The following CACNA2D1 variants were observed in gnomAD, a reference collection of about 807,000 sequenced individuals.
The protein encoded by CACNA2D1 is voltage-dependent calcium channel subunit alpha-2/delta-1.
CACNA2D1 carries 53 observed loss-of-function variants against 171.5 expected under a neutral mutation model. The ratio of observed to expected loss-of-function variants is 0.31; its 90% CI spans 0.25 to 0.39. CACNA2D1 has a LOEUF of 0.39. CACNA2D1 is among the 10% of genes least tolerant of loss of function. The pLI is 1.00. For synonymous variants in CACNA2D1, 442 were observed against 443.1 expected (o/e 1.00, Z 0.03); for missense variants, 903 against 1,299.8 (o/e 0.69, Z 4.69).
At chr7:82,336,269 C>T (rs969609855) in intron 2 of CACNA2D1, among the ~76,000 whole-genome samples, 1 of 152,170 alleles carries the variant, frequency 6.6e-6, no homozygotes, top group Non-Finnish European at 1.5e-5. Context: ...ATGATCCCAG[C>T]TGCGCACTGA....
intron 1 of CACNA2D1, among the ~76,000 whole-genome samples, chr7:82,378,089 T>C (rs1823225705): frequency 6.6e-6 from 1 of 152,128 alleles, no homozygotes; most frequent in Admixed American, 6.6e-5. Flanking sequence ...AATAAAATAA[T>C]GGATTAAATG....
intron 12 of CACNA2D1, among the ~76,000 whole-genome samples, chr7:82,018,513 TTAAA>T (rs926494330): frequency 5.3e-5 from 8 of 152,178 alleles, no homozygotes; most frequent in African/African-American, 1.7e-4. Flanking sequence ...TTATTTAATA[TTAAA>T]TAAGCAGACA....
chr7:82,354,548 C>G (rs910027247), intron 1 of CACNA2D1, among the ~76,000 whole-genome samples: 9 of 152,130 alleles, frequency 5.9e-5, no homozygotes, highest in African/African-American at 1.9e-4. Flanking sequence ...AAAGTTGAGA[C>G]AGTTTTACTT....
At chr7:82,395,967 C>A (rs888348503) in intron 1 of CACNA2D1, among the ~76,000 whole-genome samples, 3 of 152,164 alleles carry the variant, frequency 2.0e-5, no homozygotes, top group Non-Finnish European at 4.4e-5. Flanking sequence ...ATGCAGACTA[C>A]AGAATGCAGC....
intron 4 of CACNA2D1, among the ~76,000 whole-genome samples, chr7:82,158,675 A>G (rs1794623159): frequency 1.3e-5 from 2 of 151,878 alleles, no homozygotes; most frequent in Non-Finnish European, 2.9e-5. Flanking sequence ...ACTGGAAACA[A>G]TATTAGTCCT....
intron 3 of CACNA2D1, among the ~76,000 whole-genome samples, chr7:82,194,276 G>C (rs967300917): frequency 6.6e-6 from 1 of 151,958 alleles, no homozygotes; most frequent in African/African-American, 2.4e-5. Flanking sequence ...TCCGGTGACT[G>C]TCTCAACCCC....
chr7:82,143,864 T>C (rs769950466), intron 4 of CACNA2D1, among the ~76,000 whole-genome samples: 11 of 152,174 alleles, frequency 7.2e-5, no homozygotes, highest in Non-Finnish European at 1.2e-4. Context: ...ATCAGGAGTT[T>C]CTATGTTTTA....
intron 5 of CACNA2D1, among the ~76,000 whole-genome samples, chr7:82,123,909 G>A (rs1311220487): frequency 1.3e-5 from 2 of 151,910 alleles, no homozygotes; most frequent in African/African-American, 4.8e-5. Context: ...TAGAGAATAA[G>A]CATATGTATA....
chr7:82,410,136 C>T (rs1281640818), intron 1 of CACNA2D1, among the ~76,000 whole-genome samples: 1 of 152,200 alleles, frequency 6.6e-6, no homozygotes, highest in Non-Finnish European at 1.5e-5. Context: ...ATTACACTTA[C>T]TTTTCTCCTG....
intron 10 of CACNA2D1, among the ~76,000 whole-genome samples, chr7:82,052,006 G>A (rs1160115692): frequency 6.6e-6 from 1 of 152,090 alleles, no homozygotes; most frequent in African/African-American, 2.4e-5. Context: ...CATGATTTAA[G>A]CATGAAAAAT....
chr7:82,411,031 A>G (rs1356264326), intron 1 of CACNA2D1, among the ~76,000 whole-genome samples: 1 of 152,194 alleles, frequency 6.6e-6, no homozygotes, highest in African/African-American at 2.4e-5. Context: ...TTCCTTTAAT[A>G]CTTTATATAT....
chr7:82,060,166 A>AT (rs1806498175), intron 10 of CACNA2D1, among the ~76,000 whole-genome samples: 2 of 9,988 alleles, frequency 2.0e-4, no homozygotes, highest in African/African-American at 3.6e-4. Context: ...TATATATATA[A>AT]TATATATATA....
At chr7:82,085,211 G>A (rs1211333363) in intron 6 of CACNA2D1, among the ~76,000 whole-genome samples, 3 of 152,080 alleles carry the variant, frequency 2.0e-5, no homozygotes, top group Non-Finnish European at 4.4e-5. Context: ...TTGTTGTGAG[G>A]TCTAATCCTG....
chr7:81,985,196 C>CTTTTTTTTTTTTTTTTTTTTTTTTTT (rs774555240), intron 21 of CACNA2D1, among the ~76,000 whole-genome samples: 3 of 104,192 alleles, frequency 2.9e-5, no homozygotes, highest in African/African-American at 1.2e-4. Context: ...ATTATCATTA[C>CTTTTTTTTTTTTTTTTTTTTTTTTTT]TTTTTTTTTT....
chr7:82,409,933 C>T (rs138714974), intron 1 of CACNA2D1, among the ~76,000 whole-genome samples: 9 of 152,238 alleles, frequency 5.9e-5, no homozygotes, highest in Non-Finnish European at 1.2e-4. Flanking sequence ...ACAAACAACA[C>T]GCTACGGTAC....
chr7:82,075,114 T>C (rs1425487143), intron 7 of CACNA2D1, among the ~76,000 whole-genome samples: 2 of 152,120 alleles, frequency 1.3e-5, no homozygotes, highest in Non-Finnish European at 1.5e-5. Flanking sequence ...CATGTGGTGT[T>C]TGGTTTTCTC....
intron 10 of CACNA2D1, among the ~76,000 whole-genome samples, chr7:82,040,434 T>G (rs2131222115): frequency 8.1e-6 from 1 of 123,060 alleles, no homozygotes; most frequent in East Asian, 2.4e-4. Flanking sequence ...AAAAGAAGTC[T>G]TGGCTAAATA....
At chr7:82,321,145 C>T (rs1815791312) in intron 3 of CACNA2D1, among the ~76,000 whole-genome samples, 1 of 152,068 alleles carries the variant, frequency 6.6e-6, no homozygotes, top group Non-Finnish European at 1.5e-5. Flanking sequence ...ACGCCTATAA[C>T]CCCAGCACTT....
chr7:82,268,296 C>G (rs1808175514), intron 3 of CACNA2D1, among the ~76,000 whole-genome samples: 2 of 152,016 alleles, frequency 1.3e-5, no homozygotes, highest in Non-Finnish European at 2.9e-5. Context: ...CGGTAAATGT[C>G]TAAGATAATG....
Sources: allele counts gnomAD v4.1 joint callset (sites outside exome capture counted in the v4.1 genomes callset), GRCh38; gene constraint gnomAD v4.1.1; transcripts MANE v1.5; gene names NCBI Gene and HGNC (gene_info 2026-07-23, HGNC 2026-07-21).